The following KIRREL3 variants were observed in gnomAD, a reference collection of about 807,000 sequenced individuals.
KIRREL3 encodes kirre like nephrin family adhesion molecule 3, also known as kin of IRRE-like protein 3.
Under a neutral mutation model 89.7 loss-of-function variants are expected in KIRREL3, and 36 were observed. The ratio of observed to expected loss-of-function variants is 0.40; its 90% CI spans 0.31 to 0.53. The LOEUF is 0.53. Ranked by LOEUF, KIRREL3 falls within the 20% of genes least tolerant of loss-of-function variation. The pLI is 0.49. For missense variants in KIRREL3, 864 were observed against 1,056.6 expected, an observed-to-expected ratio of 0.82 and a Z score of 2.53; for synonymous variants, 445 against 441.4, an observed-to-expected ratio of 1.01 and a Z score of -0.10.
In KIRREL3 at chr11:126,904,764, C is replaced by A. The variant is rs913351537; in HGVS notation, c.55+95691G>T. ...TTAATCTTGTCTCGTCTATTTTTATCCTATGTTCACTCAATATTTGTAGCA... is the reference window on the plus strand; with the variant it reads ...TTAATCTTGTCTCGTCTATTTTTATACTATGTTCACTCAATATTTGTAGCA... On this transcript the variant is annotated intron_variant, in intron 1 of 16. Transcript: ENST00000525144. This position sits in a 1 kb window ranked among gnomAD's most constrained non-coding sequence, Gnocchi z 4.4. Among the ~76,000 whole-genome samples, 1 of 152,124 alleles carries A rather than the reference C, an allele frequency of 6.6e-6. No individual in the cohort carries two copies. The highest frequency in any genetic ancestry group is 2.4e-5 in the African/African-American group (1 of 41,424).
In KIRREL3 at chr11:126,558,215, C is replaced by T. The variant is rs116546720; in HGVS notation, c.133+4620G>A. ...TCTGCTTCTTCCCTCCTTTAAATAT[C>T]CTCTTCCTCATTTCCCCTTCTCAAG... On this transcript the variant is annotated intron_variant, in intron 2 of 16. Transcript: ENST00000525144. This position sits in a 1 kb window ranked among gnomAD's most constrained non-coding sequence, Gnocchi z 4.0. Among the ~76,000 whole-genome samples, 1,621 of 152,240 alleles carry T rather than the reference C, an allele frequency of 0.011. 18 individuals carry two copies. Among genetic ancestry groups the T allele is most frequent in the South Asian group, 0.03 (144 of 4,828 alleles).
In KIRREL3 at chr11:126,898,772, A is replaced by T. The variant is rs1024454637; in HGVS notation, c.55+101683T>A. On this transcript the variant is annotated intron_variant, in intron 1 of 16. Coordinates refer to ENST00000525144, the MANE Select transcript of KIRREL3 (RefSeq NM_032531.4). The surrounding 1 kb of genome is among the most constrained non-coding windows in gnomAD (Gnocchi z 4.9). ...GAAAATATAAAAAAAGAGAGTTCTT[A>T]GATGGGTTATGATGTGTCATAAGCT... is the stretch of plus-strand genomic sequence containing the variant. Among the ~76,000 whole-genome samples the T allele has an allele frequency of 1.3e-5, 2 of 152,212 alleles. No individual in the cohort carries two copies. Among genetic ancestry groups the T allele is most frequent in the African/African-American group, 4.8e-5 (2 of 41,452 alleles).
At chr11:126,937,486 G>A (rs1948242014) in intron 1 of KIRREL3, among the ~76,000 whole-genome samples, 1 of 152,214 alleles carries the variant, frequency 6.6e-6, no homozygotes, top group Admixed American at 6.5e-5. Context: ...AAGGACACGT[G>A]AGCATACATT....
At chr11:126,893,662 G>T (rs1201221314) in intron 1 of KIRREL3, among the ~76,000 whole-genome samples, 3 of 152,160 alleles carry the variant, frequency 2.0e-5, no homozygotes, top group Admixed American at 6.5e-5. Flanking sequence ...TAGAAGCTCC[G>T]CATCCACCCT....
chr11:126,451,142 CAT>C (rs1956110071), intron 7 of KIRREL3, among the ~76,000 whole-genome samples: 2 of 122,898 alleles, frequency 1.6e-5, no homozygotes, highest in Non-Finnish European at 1.7e-5. Context: ...CATGTGTGTG[CAT>C]GTGTAAATGT....
rs77251097 is a variant in KIRREL3 at position 126,427,392 on chromosome 11, C to A, written c.1807-1668G>T. Among the ~76,000 whole-genome samples the A allele has an allele frequency of 0.08, 10,547 of 131,358 alleles. 778 individuals are homozygous for A. Among genetic ancestry groups the A allele is most frequent in the African/African-American group, 0.2 (7,563 of 38,776 alleles). 86.2% of individuals were successfully genotyped at this position (131,358 alleles called of 152,430 possible). A position where few individuals can be genotyped will look rare whatever the true frequency, so the allele number is the denominator to read the frequency against. On this transcript the variant is annotated intron_variant, in intron 15 of 16. Transcript: ENST00000525144. This position sits in a 1 kb window ranked among gnomAD's most constrained non-coding sequence, Gnocchi z 5.3. ...GGGGGAATGCACTATAAAGGAGGCA[C>A]ATACAAAGTGTTTTGGGAGAGCAGA...
In KIRREL3 at chr11:126,607,998, G is replaced by C. The variant is rs1942958599; in HGVS notation, c.56-45086C>G. 6.6e-6 allele frequency among the ~76,000 whole-genome samples: 1 copy of C among 152,188 alleles called. No homozygotes were observed. Among genetic ancestry groups the C allele is most frequent in the Non-Finnish European group, 1.5e-5 (1 of 68,030 alleles). ...GGAACGAGCACGTCAGCTGTCTCCA[G>C]GGCCTTTCTCATCATCTCCCGTGCC... On this transcript the variant is annotated intron_variant, in intron 1 of 16. Transcript: ENST00000525144. This position sits in a 1 kb window ranked among gnomAD's most constrained non-coding sequence, Gnocchi z 6.6.
chr11:126,969,067 G>T lies in KIRREL3; in HGVS notation c.55+31388C>A, dbSNP rs942974083. On this transcript the variant is annotated intron_variant, in intron 1 of 16. Transcript: ENST00000525144. The surrounding 1 kb of genome is among the most constrained non-coding windows in gnomAD (Gnocchi z 4.9). ...CAGAAGTAACACTTCAGGCGGGGGCGTCTGAGGTTCGCGTGTGAGGGAATC... is the reference window on the plus strand; with the variant it reads ...CAGAAGTAACACTTCAGGCGGGGGCTTCTGAGGTTCGCGTGTGAGGGAATC... Among the ~76,000 whole-genome samples the T allele has an allele frequency of 6.6e-6, 1 of 152,150 alleles. No homozygotes were observed. The highest frequency in any genetic ancestry group is 1.5e-5 in the Non-Finnish European group (1 of 68,028).
Position 126,424,949 on chromosome 11 carries a change from G to A in KIRREL3, c.1968C>T (p.Ser656=). Reference sequence around the variant, plus strand: ...CCGCAGGACGCAGGTCGGGCTGGCAGCTGGAGAGGGAGATGGTCGGGGTTG... The same window carrying A: ...CCGCAGGACGCAGGTCGGGCTGGCAACTGGAGAGGGAGATGGTCGGGGTTG... ...HHSTPTISLS[S]CQPDLRPAGK... The change falls in exon 17 of 17, where the codon AGC becomes AGT. Residue 656 remains serine (S), a synonymous_variant. Coordinates refer to ENST00000525144, the MANE Select transcript of KIRREL3 (RefSeq NM_032531.4). 1 of 1,595,040 alleles carries A rather than the reference G, an allele frequency of 6.3e-7. No individual in the cohort carries two copies. The highest frequency in any genetic ancestry group is 1.1e-5 in the South Asian group (1 of 88,708).
rs1213946811 is a variant in KIRREL3 at position 126,496,198 on chromosome 11, C to A, written c.434-22732G>T. On this transcript the variant is annotated intron_variant, in intron 4 of 16. Coordinates refer to ENST00000525144, the MANE Select transcript of KIRREL3 (RefSeq NM_032531.4). The surrounding 1 kb of genome is among the most constrained non-coding windows in gnomAD (Gnocchi z 4.9). ...TGTTATGCAGAAATTGACAACCAGACAGATTTTGCAGAACTAGCCAGTCAA... is the reference window on the plus strand; with the variant it reads ...TGTTATGCAGAAATTGACAACCAGAAAGATTTTGCAGAACTAGCCAGTCAA... Among the ~76,000 whole-genome samples, 1 of 152,206 alleles carries A rather than the reference C, an allele frequency of 6.6e-6. No individual in the cohort carries two copies. Among genetic ancestry groups the A allele is most frequent in the Non-Finnish European group, 1.5e-5 (1 of 68,038 alleles).
intron 6 of KIRREL3, among the ~76,000 whole-genome samples, chr11:126,460,779 GA>G (rs1308840335): frequency 6.6e-6 from 1 of 152,198 alleles, no homozygotes; most frequent in African/African-American, 2.4e-5. Context: ...GTTGCCTGGA[GA>G]GGTTCTCCTG....
chr11:126,538,217 A>C (rs1938070085), intron 2 of KIRREL3, among the ~76,000 whole-genome samples: 1 of 152,218 alleles, frequency 6.6e-6, no homozygotes. Flanking sequence ...TGTGTCAGCC[A>C]TGCAAAAAGG....
In KIRREL3 at chr11:126,998,916, A is replaced by AGTGTGTGTGT. The variant is rs10561880; in HGVS notation, c.55+1529_55+1538dup. Among the ~76,000 whole-genome samples, 8 of 141,256 alleles carry AGTGTGTGTGT rather than the reference A, an allele frequency of 5.7e-5. No homozygotes were observed. In the East Asian group the frequency reaches 6.8e-4, roughly 12 times the overall value. The allele number at this position is 141,256 out of a possible 152,430, so 92.7% of individuals were successfully genotyped here. A position where few individuals can be genotyped will look rare whatever the true frequency, so the allele number is the denominator to read the frequency against. ...CTGGTAAGAAGCAAAGACGAATGGG[A>AGTGTGTGTGT]GTGTGTGTGTGTGTGTGTGTGTGTG... On this transcript the variant is annotated intron_variant, in intron 1 of 16. Transcript: ENST00000525144.
In KIRREL3 at chr11:126,995,216, A is replaced by G. The variant is rs1219954739; in HGVS notation, c.55+5239T>C. 2 of 456,194 alleles carry G rather than the reference A, an allele frequency of 4.4e-6. No homozygotes were observed. The highest frequency in any genetic ancestry group is 2.3e-5 in the Admixed American group (1 of 42,578). The allele number at this position is 456,194 out of a possible 1,614,324, so 28.3% of individuals were successfully genotyped here. Reference sequence around the variant, plus strand: ...CAGCTGCTCCCACCGACCCTGCTCCAAGAGTGCTGGGATGTCCGCTGGCCT... The same window carrying G: ...CAGCTGCTCCCACCGACCCTGCTCCGAGAGTGCTGGGATGTCCGCTGGCCT... On this transcript the variant is annotated intron_variant, in intron 1 of 16. Coordinates refer to ENST00000525144, the MANE Select transcript of KIRREL3 (RefSeq NM_032531.4). The surrounding 1 kb of genome is among the most constrained non-coding windows in gnomAD (Gnocchi z 6.5).
intron 1 of KIRREL3, among the ~76,000 whole-genome samples, chr11:126,884,152 A>G (rs939744635): frequency 5.9e-5 from 9 of 152,232 alleles, no homozygotes; most frequent in African/African-American, 2.2e-4. Flanking sequence ...CTCAGTGTGT[A>G]TAAGATTCAC....
At position 126,689,042 on chromosome 11, in the gene KIRREL3, AAGAGAGAGAGAGAGAGAGAG is replaced by A. The variant is rs58257040; in HGVS notation, c.56-126150_56-126131del. On this transcript the variant is annotated intron_variant, in intron 1 of 16. Transcript: ENST00000525144. This position sits in a 1 kb window ranked among gnomAD's most constrained non-coding sequence, Gnocchi z 5.2. ...ATGTGTGTGTGTGTAAGGGGGAGAG[AAGAGAGAGAGAGAGAGAGAG>A]AGAGAGAGAGAGAGAGAGAGTATTG... is the stretch of plus-strand genomic sequence containing the variant. Among the ~76,000 whole-genome samples, 5 of 129,816 alleles carry A rather than the reference AAGAGAGAGAGAGAGAGAGAG, an allele frequency of 3.9e-5. No individual in the cohort carries two copies. Among genetic ancestry groups the A allele is most frequent in the South Asian group, 5.6e-4 (2 of 3,596 alleles). 85.2% of individuals were successfully genotyped at this position (129,816 alleles called of 152,430 possible). A position where few individuals can be genotyped will look rare whatever the true frequency, so the allele number is the denominator to read the frequency against.
rs1958087792 is a variant in KIRREL3, at chr11:126,508,148, T to C, written c.433+13167A>G. Among the ~76,000 whole-genome samples the C allele has an allele frequency of 6.6e-6, 1 of 152,206 alleles. No individual in the cohort carries two copies. The highest frequency in any genetic ancestry group is 1.5e-5 in the Non-Finnish European group (1 of 68,042). On this transcript the variant is annotated intron_variant, in intron 4 of 16. Coordinates refer to ENST00000525144, the MANE Select transcript of KIRREL3 (RefSeq NM_032531.4). This position sits in a 1 kb window ranked among gnomAD's most constrained non-coding sequence, Gnocchi z 4.9. ...AGCTGCTAACATTGTTTCTGACATA[T>C]TTTCACATGAAAACCTCTTCCTTTA...
intron 1 of KIRREL3, among the ~76,000 whole-genome samples, chr11:126,727,492 G>T (rs1176127437): frequency 6.6e-6 from 1 of 152,342 alleles, no homozygotes; most frequent in South Asian, 2.1e-4. Flanking sequence ...GGTGTCCATG[G>T]TAAGTCTGGA....
In KIRREL3 at chr11:126,551,074, T is replaced by C. The variant is rs1939222777; in HGVS notation, c.133+11761A>G. Among the ~76,000 whole-genome samples, 1 of 152,154 alleles carries C rather than the reference T, an allele frequency of 6.6e-6. No homozygotes were observed. Among genetic ancestry groups the C allele is most frequent in the African/African-American group, 2.4e-5 (1 of 41,424 alleles). On this transcript the variant is annotated intron_variant, in intron 2 of 16. Transcript: ENST00000525144. The surrounding 1 kb of genome is among the most constrained non-coding windows in gnomAD (Gnocchi z 4.9). ...AAGACCTCAGGGAAACACTTACCTA[T>C]GTTTACAGTTTATTCTAAAGGATAT...
Sources: allele counts gnomAD v4.1 joint callset (sites outside exome capture counted in the v4.1 genomes callset), GRCh38; gene constraint gnomAD v4.1.1; non-coding constraint Gnocchi (gnomAD v3.1); transcripts MANE v1.5; gene names NCBI Gene and HGNC (gene_info 2026-07-23, HGNC 2026-07-21).